The following NTM variants were observed in gnomAD, a reference collection of about 807,000 sequenced individuals.
NTM encodes IgLON family member 2.
Under a neutral mutation model 42.1 loss-of-function variants are expected in NTM, and 13 were observed. That is an observed-to-expected ratio of 0.31 (90% confidence interval 0.20 to 0.49). The LOEUF (loss-of-function observed/expected upper bound fraction) is 0.49. Ranked by LOEUF, NTM falls within the 20% of genes least tolerant of loss-of-function variation. The pLI, the probability that NTM is intolerant of heterozygous loss-of-function variation, is 0.99. For synonymous variants in NTM, 187 were observed against 179.2 expected (o/e 1.04, Z -0.35); for missense variants, 373 against 452.8 (o/e 0.82, Z 1.60).
chr11:132,286,550 G>A (rs867227258), intron 4 of NTM, among the ~76,000 whole-genome samples: 4 of 151,866 alleles, frequency 2.6e-5, no homozygotes, highest in South Asian at 2.1e-4. Context: ...GCCTCAATGC[G>A]CAACTTTGGC....
chr11:131,494,060 C>T (rs55748842), intron 1 of NTM, among the ~76,000 whole-genome samples: 11,557 of 152,260 alleles, frequency 0.076, 494 homozygotes, highest in South Asian at 0.17. Context: ...GTACAAAATT[C>T]TCCCTCTCTA....
intron 1 of NTM, among the ~76,000 whole-genome samples, chr11:131,463,254 G>T (rs2136123911): frequency 6.6e-6 from 1 of 152,326 alleles, no homozygotes; most frequent in African/African-American, 2.4e-5. Flanking sequence ...CACAGCTCCT[G>T]GTGCTGCCTT....
intron 1 of NTM, among the ~76,000 whole-genome samples, chr11:131,857,820 C>G (rs1254621227): frequency 6.6e-6 from 1 of 152,216 alleles, no homozygotes; most frequent in Admixed American, 6.5e-5. Flanking sequence ...CTCCAATCAT[C>G]CTCCCTGCAC....
chr11:131,716,903 C>A (rs1158092887), intron 1 of NTM, among the ~76,000 whole-genome samples: 1 of 152,160 alleles, frequency 6.6e-6, no homozygotes, highest in East Asian at 1.9e-4. Flanking sequence ...TGCAGTGGCA[C>A]AATCATAGCT....
chr11:131,789,606 A>G (rs1202600466), intron 1 of NTM, among the ~76,000 whole-genome samples: 8 of 83,800 alleles, frequency 9.5e-5, no homozygotes, highest in Admixed American at 1.3e-4. Flanking sequence ...AAGAAGAAGA[A>G]GAAGAAGAAG....
At chr11:131,466,616 C>T (rs777589473) in intron 1 of NTM, among the ~76,000 whole-genome samples, 2 of 152,100 alleles carry the variant, frequency 1.3e-5, no homozygotes, top group Admixed American at 6.5e-5. Flanking sequence ...CATGTTATGC[C>T]GCACAAGTTA....
At chr11:131,571,489 C>T (rs956487369) in intron 1 of NTM, among the ~76,000 whole-genome samples, 2 of 152,186 alleles carry the variant, frequency 1.3e-5, no homozygotes, top group Admixed American at 1.3e-4. Context: ...CAGGCAAGCT[C>T]TTAGCATGAC....
rs1240041228 is a variant in NTM, at chr11:131,994,383, G to T, written c.167+82735G>T. Among the ~76,000 whole-genome samples, 5 of 152,200 alleles carry T rather than the reference G, an allele frequency of 3.3e-5. No individual in the cohort carries two copies. The East Asian group carries it at 9.6e-4, about 29-fold the overall frequency. On this transcript the variant is annotated intron_variant, in intron 2 of 8. Coordinates refer to ENST00000683400, the MANE Select transcript of NTM (RefSeq NM_001352005.2). ...AAGTAAAAAGATGATAGGAGAAAGT[G>T]AGAGTTGCTGATGGAAGTCTAAACA...
chr11:131,989,852 A>G (rs2066718173), intron 2 of NTM, among the ~76,000 whole-genome samples: 1 of 152,126 alleles, frequency 6.6e-6, no homozygotes. Flanking sequence ...AACCATGTGA[A>G]TGCTCTTAAA....
At chr11:132,158,931 G>T (rs568218590) in intron 3 of NTM, among the ~76,000 whole-genome samples, 2 of 152,308 alleles carry the variant, frequency 1.3e-5, no homozygotes, top group South Asian at 4.1e-4. Flanking sequence ...AGGAATGATA[G>T]AGGCGCACCA....
intron 1 of NTM, among the ~76,000 whole-genome samples, chr11:131,723,712 T>A (rs1036976565): frequency 1.3e-5 from 2 of 152,150 alleles, no homozygotes; most frequent in Non-Finnish European, 2.9e-5. Flanking sequence ...TATAACTAGA[T>A]AGTTTGCTTC....
rs1388815086 is a variant in NTM at position 132,335,238 on chromosome 11, A to G, written c.*92A>G. 9 of 1,367,300 alleles carry G rather than the reference A, an allele frequency of 6.6e-6. No individual in the cohort carries two copies. The highest frequency in any genetic ancestry group is 9.1e-6 in the Non-Finnish European group (9 of 992,458). The allele number at this position is 1,367,300 out of a possible 1,614,324, so 84.7% of individuals were successfully genotyped here. ...CAACACCGACAGCAACCAATCAGAT[A>G]TATACAAATGAAATTAGAAGAAACA... On this transcript the variant is annotated 3_prime_UTR_variant, in exon 9 of 9. Transcript: ENST00000683400.
At chr11:132,082,501 T>G (rs2059209586) in intron 2 of NTM, among the ~76,000 whole-genome samples, 1 of 152,186 alleles carries the variant, frequency 6.6e-6, no homozygotes, top group Admixed American at 6.5e-5. Context: ...TTTTCCTTAC[T>G]GGGCATGTGT....
intron 1 of NTM, among the ~76,000 whole-genome samples, chr11:131,452,262 C>T (rs2136052554): frequency 6.6e-6 from 1 of 152,382 alleles, no homozygotes; most frequent in East Asian, 1.9e-4. Flanking sequence ...GCCCCGTGGC[C>T]TCCCGGCTGC....
intron 1 of NTM, among the ~76,000 whole-genome samples, chr11:131,673,669 G>T (rs1221127047): frequency 6.6e-6 from 1 of 152,202 alleles, no homozygotes; most frequent in Non-Finnish European, 1.5e-5. Flanking sequence ...TGGGAGCACT[G>T]CTGGACAAAT....
intron 1 of NTM, among the ~76,000 whole-genome samples, chr11:131,456,075 C>T (rs61192690): frequency 0.016 from 2,407 of 152,258 alleles, 60 homozygotes; most frequent in African/African-American, 0.055. Context: ...AAGACCTTGG[C>T]GGTGACCTTG....
intron 1 of NTM, among the ~76,000 whole-genome samples, chr11:131,881,589 A>T (rs2049526322): frequency 6.6e-6 from 1 of 152,106 alleles, no homozygotes; most frequent in African/African-American, 2.4e-5. Context: ...AAGTGCACAG[A>T]CAGAAAGAGT....
chr11:131,893,292 C>T (rs745593172), intron 1 of NTM, among the ~76,000 whole-genome samples: 1 of 152,132 alleles, frequency 6.6e-6, no homozygotes, highest in Non-Finnish European at 1.5e-5. Context: ...GAGCCAGAAG[C>T]CCACTCATGC....
chr11:131,474,879 C>A (rs992946175), intron 1 of NTM, among the ~76,000 whole-genome samples: 3 of 152,138 alleles, frequency 2.0e-5, no homozygotes, highest in Non-Finnish European at 4.4e-5. Context: ...ATATTAGTAC[C>A]CATATTTGAC....
Sources: gnomAD v4.1 joint callset for allele counts (sites outside exome capture counted in the v4.1 genomes callset) on GRCh38, gnomAD v4.1.1 for gene constraint, MANE v1.5 for transcripts, NCBI Gene and HGNC (gene_info 2026-07-23, HGNC 2026-07-21) for gene names.